Variants in NRXN1 observed in about 807,000 individuals in gnomAD.
NRXN1 encodes neurexin-1.
NRXN1 carries 39 observed loss-of-function variants against 150.9 expected under a neutral mutation model. That is an observed-to-expected ratio of 0.26 (90% CI 0.20 to 0.34). The LOEUF is 0.34. Ranked by LOEUF, NRXN1 falls within the 10% of genes least tolerant of loss-of-function variation. The pLI is 1.00. For synonymous variants in NRXN1, 924 were observed against 757.0 expected (o/e 1.22, Z -3.62); for missense variants, 1,815 against 1,949.9 (o/e 0.93, Z 1.30).
chr2:50,166,838 AT>A (rs965234882), intron 18 of NRXN1, among the ~76,000 whole-genome samples: 5 of 152,180 alleles, frequency 3.3e-5, no homozygotes, highest in African/African-American at 9.7e-5. Flanking sequence ...TCAGAGGCTA[AT>A]CACAACTAGG....
intron 5 of NRXN1, among the ~76,000 whole-genome samples, chr2:50,736,528 G>A (rs750595012): frequency 1.5e-4 from 23 of 152,080 alleles, no homozygotes; most frequent in African/African-American, 3.1e-4. Context: ...GTTATAGGGC[G>A]GACCTGGTGA....
intron 2 of NRXN1, among the ~76,000 whole-genome samples, chr2:51,000,964 T>C (rs1400101461): frequency 6.6e-6 from 1 of 151,822 alleles, no homozygotes. Flanking sequence ...GAACAAATTA[T>C]AATTTGAAAG....
rs530256184 is a variant in NRXN1, at chr2:51,029,137, G to A, written c.-864C>T. On this transcript the variant is annotated 5_prime_UTR_variant, in exon 2 of 23. Transcript: ENST00000401669. ...AAGCTAAGATGCCAGCACATCAATT[G>A]GTTGTGTGTTGGTGATGCATTTTGG... is the stretch of plus-strand genomic sequence containing the variant. 1 of 152,312 alleles carries A rather than the reference G, an allele frequency of 6.6e-6. No homozygotes were observed. Among genetic ancestry groups the A allele is most frequent in the South Asian group, 2.1e-4 (1 of 4,828 alleles). The allele number at this position is 152,312 out of a possible 1,614,324, so 9.4% of individuals were successfully genotyped here. A position where few individuals can be genotyped will look rare whatever the true frequency, so the allele number is the denominator to read the frequency against.
At chr2:50,352,406 T>A (rs1217796992) in intron 17 of NRXN1, among the ~76,000 whole-genome samples, 2 of 152,088 alleles carry the variant, frequency 1.3e-5, no homozygotes, top group South Asian at 4.1e-4. Context: ...TGGAAACCCT[T>A]AAAGCTCAGT....
intron 5 of NRXN1, among the ~76,000 whole-genome samples, chr2:50,795,242 C>G (rs1001695614): frequency 6.6e-6 from 1 of 151,830 alleles, no homozygotes; most frequent in Non-Finnish European, 1.5e-5. Context: ...AGAGCCCCCA[C>G]ATTTACATTT....
intron 2 of NRXN1, among the ~76,000 whole-genome samples, chr2:50,958,637 A>G (rs529207618): frequency 6.6e-6 from 1 of 152,180 alleles, no homozygotes; most frequent in East Asian, 1.9e-4. Context: ...TGCCATTTGT[A>G]AGTAGAGGTA....
intron 8 of NRXN1, among the ~76,000 whole-genome samples, chr2:50,561,635 C>A (rs796286470): frequency 6.6e-6 from 1 of 152,106 alleles, no homozygotes; most frequent in Non-Finnish European, 1.5e-5. Context: ...CAATTACAAA[C>A]GAAGAGCAGC....
chr2:50,426,447 A>C (rs2084499403), intron 17 of NRXN1, among the ~76,000 whole-genome samples: 1 of 152,172 alleles, frequency 6.6e-6, no homozygotes, highest in Admixed American at 6.5e-5. Context: ...GTATTTTATA[A>C]ATGAATTTTT....
At chr2:49,961,955 G>C (rs1386152713) in intron 21 of NRXN1, among the ~76,000 whole-genome samples, 1 of 152,122 alleles carries the variant, frequency 6.6e-6, no homozygotes, top group South Asian at 2.1e-4. Flanking sequence ...GAAATATATG[G>C]TGTGGCTGGG....
chr2:50,220,864 C>T (rs951132907), intron 18 of NRXN1, among the ~76,000 whole-genome samples: 1 of 152,010 alleles, frequency 6.6e-6, no homozygotes, highest in Non-Finnish European at 1.5e-5. Flanking sequence ...CTAAGCCACT[C>T]TGCTGACAAA....
intron 18 of NRXN1, among the ~76,000 whole-genome samples, chr2:50,220,211 T>C (rs1305126723): frequency 6.6e-6 from 1 of 150,624 alleles, no homozygotes; most frequent in Non-Finnish European, 1.5e-5. Flanking sequence ...GGGAAACATA[T>C]TATTTTCACT....
intron 17 of NRXN1, among the ~76,000 whole-genome samples, chr2:50,245,314 T>A (rs999517219): frequency 2.0e-5 from 3 of 151,836 alleles, no homozygotes; most frequent in African/African-American, 4.8e-5. Flanking sequence ...AAAAATTCCA[T>A]AAAGACAGCA....
chr2:50,290,086 C>T (rs764189889), intron 17 of NRXN1, among the ~76,000 whole-genome samples: 1 of 151,906 alleles, frequency 6.6e-6, no homozygotes, highest in Non-Finnish European at 1.5e-5. Flanking sequence ...TAAACGATAC[C>T]AGACATTTTA....
chr2:50,876,842 A>AT (rs1217200234), intron 5 of NRXN1, among the ~76,000 whole-genome samples: 2 of 151,808 alleles, frequency 1.3e-5, no homozygotes, highest in African/African-American at 4.8e-5. Context: ...AAATATTGGT[A>AT]TTATGAATGA....
At chr2:50,612,377 T>A (rs1052519785) in intron 8 of NRXN1, among the ~76,000 whole-genome samples, 1 of 151,494 alleles carries the variant, frequency 6.6e-6, no homozygotes, top group Non-Finnish European at 1.5e-5. Context: ...CAAAAACTTG[T>A]TTTTTTTCTT....
intron 18 of NRXN1, among the ~76,000 whole-genome samples, chr2:50,144,304 C>G (rs1047782682): frequency 4.0e-5 from 6 of 151,784 alleles, no homozygotes; most frequent in Non-Finnish European, 8.8e-5. Flanking sequence ...CAAGCCCTAC[C>G]TGAGCCTTGC....
In NRXN1 at chr2:50,589,545, C is replaced by T. The variant is rs374305492; in HGVS notation, c.1320+30477G>A. 12 of 31,162 alleles carry T rather than the reference C, an allele frequency of 3.9e-4. 2 individuals carry two copies. Among genetic ancestry groups the T allele is most frequent in the African/African-American group, 5.6e-4 (11 of 19,630 alleles). 1.9% of individuals were successfully genotyped at this position (31,162 alleles called of 1,614,324 possible). A position where few individuals can be genotyped will look rare whatever the true frequency, so the allele number is the denominator to read the frequency against. Reference sequence around the variant, plus strand: ...CTAATTTTTGTATTCTTAGTGGAGACGTTTCACCATGTTGCCCAGGTTGGT... The same window carrying T: ...CTAATTTTTGTATTCTTAGTGGAGATGTTTCACCATGTTGCCCAGGTTGGT... On this transcript the variant is annotated intron_variant, in intron 8 of 22. Transcript: ENST00000401669.
At chr2:50,847,624 T>C (rs1295208503) in intron 5 of NRXN1, among the ~76,000 whole-genome samples, 1 of 152,000 alleles carries the variant, frequency 6.6e-6, no homozygotes, top group Non-Finnish European at 1.5e-5. Flanking sequence ...CCGGAGACCC[T>C]AGCAGGCCAA....
intron 5 of NRXN1, among the ~76,000 whole-genome samples, chr2:50,758,554 T>C (rs563267271): frequency 2.0e-5 from 3 of 152,006 alleles, no homozygotes; most frequent in South Asian, 4.1e-4. Flanking sequence ...GCAATCCTTC[T>C]GCTTCAGCCT....
Sources: allele counts gnomAD v4.1 joint callset (sites outside exome capture counted in the v4.1 genomes callset), GRCh38; gene constraint gnomAD v4.1.1; transcripts MANE v1.5; gene names NCBI Gene and HGNC (gene_info 2026-07-23, HGNC 2026-07-21).